VPS37A: variants seen among roughly 807,000 people sequenced by gnomAD.
The protein encoded by VPS37A is VPS37A subunit of ESCRT-I.
In VPS37A, 30 loss-of-function variants were observed where a neutral mutation model predicts 49.8. That is an observed-to-expected ratio of 0.60 (90% CI 0.45 to 0.82). The LOEUF is 0.82. Ranked by LOEUF, VPS37A falls within the 40% of genes least tolerant of loss-of-function variation. The pLI, the probability that VPS37A is intolerant of heterozygous loss-of-function variation, is 0.00. For missense variants in VPS37A, 593 were observed against 464.4 expected (o/e 1.28, Z -2.55); for synonymous variants, 195 against 160.6 (o/e 1.21, Z -1.62).
intron 1 of VPS37A, among the ~76,000 whole-genome samples, chr8:17,263,798 G>A (rs779920983): frequency 1.7e-4 from 26 of 151,910 alleles, no homozygotes; most frequent in Non-Finnish European, 2.9e-4. Flanking sequence ...ATATATAACC[G>A]GGTGTGGTGG....
the VPS37A span, chr8:17,313,196 G>C: frequency 4.7e-6 from 4 of 852,634 alleles, no homozygotes; most frequent in East Asian, 5.0e-5. Flanking sequence ...GTGCAGTGCA[G>C]CTTAAGACAG....
chr8:17,267,836 T>C (rs1171473478), intron 2 of VPS37A, among the ~76,000 whole-genome samples: 1 of 152,180 alleles, frequency 6.6e-6, no homozygotes, highest in Non-Finnish European at 1.5e-5. Flanking sequence ...CGTGACAGCA[T>C]TCTCAAAGTA....
the VPS37A span, among the ~76,000 whole-genome samples, chr8:17,312,963 G>A: frequency 6.6e-6 from 1 of 152,200 alleles, no homozygotes; most frequent in South Asian, 2.1e-4. Context: ...TCTACTGGAT[G>A]TAAGCCCCAA....
At chr8:17,312,539 C>T in the VPS37A span, among the ~76,000 whole-genome samples, 1 of 140,976 alleles carries the variant, frequency 7.1e-6, no homozygotes, top group Admixed American at 7.6e-5. Flanking sequence ...CGTGCCACTG[C>T]ACTCCAGCCT....
rs1020688730 is a variant in VPS37A at position 17,294,983 on chromosome 8, C to G, written c.*1-4C>G. 2 of 152,510 alleles carry G rather than the reference C, an allele frequency of 1.3e-5. No homozygotes were observed. Among genetic ancestry groups the G allele is most frequent in the Non-Finnish European group, 2.9e-5 (2 of 68,034 alleles). The allele number at this position is 152,510 out of a possible 1,614,324, so 9.4% of individuals were successfully genotyped here. A position where few individuals can be genotyped will look rare whatever the true frequency, so the allele number is the denominator to read the frequency against. The stretch of plus-strand genomic sequence containing the variant: ...AGAGGTATTTTTTATTGTTTTCTTT[C>G]TAGATTTTCCTGGAAACATGAACTG... On this transcript the variant is annotated splice_region_variant and splice_polypyrimidine_tract_variant and intron_variant, in intron 11 of 11. Transcript: ENST00000324849.
At chr8:17,288,431 T>A (rs879151456) in intron 11 of VPS37A, among the ~76,000 whole-genome samples, 1 of 152,164 alleles carries the variant, frequency 6.6e-6, no homozygotes, top group Admixed American at 6.5e-5. Flanking sequence ...CCATATGTTC[T>A]CATTGTTCAA....
chr8:17,319,011 C>T, the VPS37A span, among the ~76,000 whole-genome samples: 1 of 152,242 alleles, frequency 6.6e-6, no homozygotes, highest in African/African-American at 2.4e-5. Flanking sequence ...AGGGATTTCA[C>T]ATTAGCTTAC....
At chr8:17,313,132 A>C in the VPS37A span, among the ~76,000 whole-genome samples, 1 of 152,246 alleles carries the variant, frequency 6.6e-6, no homozygotes. Context: ...CTTTCGCAAA[A>C]TCATATCTTC....
intron 9 of VPS37A, among the ~76,000 whole-genome samples, chr8:17,281,604 C>T (rs1443428231): frequency 2.6e-5 from 4 of 151,944 alleles, no homozygotes; most frequent in African/African-American, 9.7e-5. Flanking sequence ...GCCTCATGAT[C>T]ACTGCTGTTT....
chr8:17,249,293 T>C (rs1246510300), intron 1 of VPS37A, among the ~76,000 whole-genome samples: 12 of 152,198 alleles, frequency 7.9e-5, no homozygotes, highest in Admixed American at 7.9e-4. Flanking sequence ...TGTAAAGAGT[T>C]CTGGAATTGG....
chr8:17,281,202 G>A (rs1365541004), intron 9 of VPS37A, among the ~76,000 whole-genome samples: 2 of 151,984 alleles, frequency 1.3e-5, no homozygotes, highest in Admixed American at 6.6e-5. Flanking sequence ...AGCTATTTAC[G>A]TATATTGGGC....
chr8:17,261,068 C>T (rs1812919987), intron 1 of VPS37A, among the ~76,000 whole-genome samples: 1 of 152,308 alleles, frequency 6.6e-6, no homozygotes, highest in South Asian at 2.1e-4. Flanking sequence ...TCTACCCATT[C>T]CTCTGGCTCA....
chr8:17,275,108 C>G (rs1814392765), intron 5 of VPS37A, 150 bp downstream of exon 5: 2 of 722,580 alleles, frequency 2.8e-6, no homozygotes, highest in African/African-American at 1.8e-5. Flanking sequence ...TAACAGGTAA[C>G]CAACAAATAA....
In VPS37A at chr8:17,276,477, G is replaced by C; in HGVS notation, c.713+10G>C. 1 of 1,605,294 alleles carries C rather than the reference G, an allele frequency of 6.2e-7. No individual in the cohort carries two copies. The highest frequency in any genetic ancestry group is 8.5e-7 in the Non-Finnish European group (1 of 1,176,172). On this transcript the variant is annotated intron_variant, in intron 6 of 11. Transcript: ENST00000324849. ...AACTCTCAGAACTAAGGTAAACCTG[G>C]AAAGTAAAGTTGGTCACATTGTCTA...
chr8:17,272,139 G>A (rs992964602), intron 4 of VPS37A: 19 of 454,470 alleles, frequency 4.2e-5, no homozygotes, highest in African/African-American at 2.6e-4. Flanking sequence ...TTCTCCTTCC[G>A]GTGACCATCT....
chr8:17,284,897 C>T (rs372080504), intron 10 of VPS37A, among the ~76,000 whole-genome samples: 1 of 152,080 alleles, frequency 6.6e-6, no homozygotes, highest in Non-Finnish European at 1.5e-5. Flanking sequence ...TGCCATTGCT[C>T]TAAGATGTCC....
intron 1 of VPS37A, among the ~76,000 whole-genome samples, chr8:17,253,286 C>G (rs1563236683): frequency 6.6e-6 from 1 of 152,186 alleles, no homozygotes; most frequent in Non-Finnish European, 1.5e-5. Flanking sequence ...TGTCTACTAC[C>G]ACAAGGTTCT....
At chr8:17,251,133 AG>A (rs1463329032) in intron 1 of VPS37A, among the ~76,000 whole-genome samples, 1 of 152,102 alleles carries the variant, frequency 6.6e-6, no homozygotes, top group African/African-American at 2.4e-5. Context: ...CCTCCACTAG[AG>A]GTGAATAAGG....
intron 9 of VPS37A, among the ~76,000 whole-genome samples, chr8:17,280,928 A>G (rs1028872121): frequency 6.6e-6 from 1 of 152,010 alleles, no homozygotes; most frequent in Admixed American, 6.6e-5. Context: ...CTGAAAAAAA[A>G]GGAATCTTTG....
Sources: allele counts gnomAD v4.1 joint callset (sites outside exome capture counted in the v4.1 genomes callset), GRCh38; gene constraint gnomAD v4.1.1; transcripts MANE v1.5; gene names NCBI Gene and HGNC (gene_info 2026-07-23, HGNC 2026-07-21).